RBFOX1: variants seen among roughly 807,000 people sequenced by gnomAD.
RBFOX1 encodes the protein RNA binding protein fox-1 homolog 1.
RBFOX1 carries 8 observed loss-of-function variants against 57.7 expected under a neutral mutation model. That is an observed-to-expected ratio of 0.14 (90% confidence interval 0.08 to 0.25). RBFOX1 has a LOEUF of 0.25. RBFOX1 is among the 10% of genes least tolerant of loss of function. The pLI, the probability that RBFOX1 is intolerant of heterozygous loss-of-function variation, is 1.00. For missense variants in RBFOX1, 611 were observed against 548.5 expected (o/e 1.11, Z -1.14); for synonymous variants, 326 against 222.4 (o/e 1.47, Z -4.15).
Position 6,581,702 on chromosome 16 carries a change from C to G in RBFOX1, c.-63-72901C>G, listed in dbSNP as rs371433492. ...GGCCTCCCTCATGGGTTCTGCTTAG[C>G]TCCTTAATGAGGGACTCACAGCTGT... On this transcript the variant is annotated intron_variant, in intron 2 of 15. Coordinates refer to ENST00000550418, the MANE Select transcript of RBFOX1 (RefSeq NM_018723.4). Among the ~76,000 whole-genome samples, 199 of 152,314 alleles carry G rather than the reference C, an allele frequency of 1.3e-3. 4 individuals are homozygous for G. In the South Asian group the frequency reaches 0.017, roughly 13 times the overall value.
intron 2 of RBFOX1, among the ~76,000 whole-genome samples, chr16:6,620,842 G>A (rs149812947): frequency 8.5e-5 from 13 of 152,270 alleles, no homozygotes; most frequent in Admixed American, 7.2e-4. Flanking sequence ...TTCTCATATT[G>A]TCACCAAAGC....
chr16:6,929,720 C>T lies in RBFOX1; in HGVS notation c.-15-122337C>T, dbSNP rs1567932365. On this transcript the variant is annotated intron_variant, in intron 3 of 15. Coordinates refer to ENST00000550418, the MANE Select transcript of RBFOX1 (RefSeq NM_018723.4). ...TACTACGGGGTTATTTTTTTTAACACATTTATTATTTATGAAATGCAGAGG... is the reference window on the plus strand; with the variant it reads ...TACTACGGGGTTATTTTTTTTAACATATTTATTATTTATGAAATGCAGAGG... Among the ~76,000 whole-genome samples, 3 of 152,042 alleles carry T rather than the reference C, an allele frequency of 2.0e-5. No homozygotes were observed. The East Asian group carries it at 5.8e-4, about 29-fold the overall frequency.
At chr16:6,179,263 T>G (rs1202849536) in intron 1 of RBFOX1, among the ~76,000 whole-genome samples, 1 of 152,178 alleles carries the variant, frequency 6.6e-6, no homozygotes, top group Non-Finnish European at 1.5e-5. Context: ...GTGATGATGA[T>G]GTAGGCAATT....
chr16:6,726,397 CTT>C (rs5815344), intron 3 of RBFOX1, among the ~76,000 whole-genome samples: 28 of 146,926 alleles, frequency 1.9e-4, no homozygotes, highest in Middle Eastern at 3.6e-3. Context: ...GCTATTTTTT[CTT>C]TTTTTTTTTT....
At chr16:6,416,298 G>A (rs540514944) in intron 2 of RBFOX1, among the ~76,000 whole-genome samples, 7 of 152,096 alleles carry the variant, frequency 4.6e-5, no homozygotes, top group Admixed American at 3.3e-4. Context: ...TTATTAAGCC[G>A]GTAAAATCAC....
intron 1 of RBFOX1, among the ~76,000 whole-genome samples, chr16:6,205,517 T>A (rs957858974): frequency 6.6e-6 from 1 of 152,202 alleles, no homozygotes; most frequent in Admixed American, 6.5e-5. Flanking sequence ...TTACAAAACA[T>A]CTTTAACTGT....
chr16:5,571,582 C>A, intron 2 of RBFOX1, among the ~76,000 whole-genome samples: 1 of 152,170 alleles, frequency 6.6e-6, no homozygotes, highest in Non-Finnish European at 1.5e-5. Context: ...TCTGCGCCCA[C>A]CGCCAGAAGA....
intron 3 of RBFOX1, among the ~76,000 whole-genome samples, chr16:6,714,712 C>T (rs1332276176): frequency 4.0e-5 from 6 of 151,580 alleles, no homozygotes; most frequent in South Asian, 2.1e-4. Flanking sequence ...GAGTGCCTCA[C>T]GTGGTGGCTT....
chr16:5,822,850 G>T (rs1047653360), intron 3 of RBFOX1, among the ~76,000 whole-genome samples: 1 of 152,160 alleles, frequency 6.6e-6, no homozygotes, highest in Non-Finnish European at 1.5e-5. Context: ...ACATCTTTGG[G>T]ACCTTGAGTG....
intron 1 of RBFOX1, among the ~76,000 whole-genome samples, chr16:5,313,610 A>C (rs373028131): frequency 2.6e-5 from 4 of 152,172 alleles, no homozygotes; most frequent in Non-Finnish European, 2.9e-5. Context: ...CCTCACAGTC[A>C]CGGTGGAAGG....
intron 3 of RBFOX1, among the ~76,000 whole-genome samples, chr16:5,824,600 G>A (rs1233942544): frequency 6.6e-6 from 1 of 152,162 alleles, no homozygotes; most frequent in Non-Finnish European, 1.5e-5. Flanking sequence ...AGGAAAATTG[G>A]ATGTTGTTGA....
chr16:7,364,025 C>G (rs1335908505), intron 4 of RBFOX1, among the ~76,000 whole-genome samples: 2 of 152,054 alleles, frequency 1.3e-5, no homozygotes, highest in Non-Finnish European at 2.9e-5. Context: ...TTTGTAGGTG[C>G]GATGGAAAAG....
At chr16:5,470,554 G>C (rs572107415) in intron 2 of RBFOX1, among the ~76,000 whole-genome samples, 1 of 152,218 alleles carries the variant, frequency 6.6e-6, no homozygotes, top group East Asian at 1.9e-4. Context: ...AAGGCAACTT[G>C]ACAGAATAAT....
At chr16:7,197,844 G>A (rs369910319) in intron 4 of RBFOX1, among the ~76,000 whole-genome samples, 3 of 152,144 alleles carry the variant, frequency 2.0e-5, no homozygotes, top group African/African-American at 4.8e-5. Flanking sequence ...TTCCATTTCC[G>A]TGAAATATCC....
chr16:7,632,774 C>T (rs1185223934), intron 11 of RBFOX1, among the ~76,000 whole-genome samples: 1 of 152,154 alleles, frequency 6.6e-6, no homozygotes. Context: ...GGAACTGAGA[C>T]ACTCATTTTT....
chr16:7,192,879 A>G (rs182022101), intron 4 of RBFOX1, among the ~76,000 whole-genome samples: 12 of 152,346 alleles, frequency 7.9e-5, no homozygotes, highest in African/African-American at 2.9e-4. Context: ...TGTGCTTACA[A>G]CATTGTTACT....
intron 1 of RBFOX1, among the ~76,000 whole-genome samples, chr16:5,401,214 T>A (rs1182747391): frequency 6.6e-6 from 1 of 152,250 alleles, no homozygotes; most frequent in Non-Finnish European, 1.5e-5. Context: ...GTTTTTACTT[T>A]TTAGATCCTA....
chr16:6,235,309 T>C (rs2097497286), intron 1 of RBFOX1, among the ~76,000 whole-genome samples: 1 of 152,106 alleles, frequency 6.6e-6, no homozygotes, highest in African/African-American at 2.4e-5. Context: ...ATACTTACTT[T>C]CCACCTATTC....
At chr16:5,652,646 G>C (rs2049278707) in intron 3 of RBFOX1, among the ~76,000 whole-genome samples, 1 of 152,096 alleles carries the variant, frequency 6.6e-6, no homozygotes, top group Non-Finnish European at 1.5e-5. Context: ...TTCACATTCA[G>C]AAGCTTAGCT....
Sources: gnomAD v4.1 joint callset for allele counts (sites outside exome capture counted in the v4.1 genomes callset) on GRCh38, gnomAD v4.1.1 for gene constraint, MANE v1.5 for transcripts, NCBI Gene and HGNC (gene_info 2026-07-23, HGNC 2026-07-21) for gene names.